The following NEBL variants were observed in gnomAD, a reference collection of about 807,000 sequenced individuals.
NEBL encodes the protein nebulette, also known as LIM and SH3 protein 2.
In NEBL, 122 loss-of-function variants were observed where a neutral mutation model predicts 140.2. The ratio of observed to expected loss-of-function variants is 0.87; its 90% CI spans 0.75 to 1.01. The LOEUF is 1.01. Among genes scored for constraint, NEBL ranks in the 50% least tolerant of loss-of-function variants. The probability of loss-of-function intolerance (pLI) is 0.00; values close to 1 mark genes in which losing one functional copy is unlikely to be tolerated. For missense variants in NEBL, 1,365 were observed against 1,231.3 expected (o/e 1.11, Z -1.62); for synonymous variants, 436 against 398.9 (o/e 1.09, Z -1.11).
chr10:21,234,713 G>A (rs989063634), intron 3 of NEBL, among the ~76,000 whole-genome samples: 2 of 152,086 alleles, frequency 1.3e-5, no homozygotes, highest in Non-Finnish European at 2.9e-5. Context: ...CAGAAATCTG[G>A]CTTCCTAAAC....
chr10:21,286,048 C>A (rs762049708), intron 1 of NEBL, among the ~76,000 whole-genome samples: 15 of 152,346 alleles, frequency 9.8e-5, no homozygotes, highest in South Asian at 2.1e-4. Context: ...GGTTCTCCCC[C>A]TCTCTTTAGA....
intron 14 of NEBL, among the ~76,000 whole-genome samples, chr10:20,833,698 G>A: frequency 6.6e-6 from 1 of 151,586 alleles, no homozygotes. Flanking sequence ...AGAGCTTGCA[G>A]TGAGCCGAGA....
chr10:21,239,439 C>G (rs1169340823), intron 3 of NEBL, among the ~76,000 whole-genome samples: 2 of 152,126 alleles, frequency 1.3e-5, no homozygotes, highest in African/African-American at 4.8e-5. Flanking sequence ...TGCTGTCCCA[C>G]TCTGCACCCC....
At chr10:21,107,314 T>C (rs1040598042) in intron 2 of NEBL, among the ~76,000 whole-genome samples, 2 of 152,208 alleles carry the variant, frequency 1.3e-5, no homozygotes, top group South Asian at 2.1e-4. Flanking sequence ...TTGTCATAAA[T>C]AGCTCTCATT....
At chr10:20,982,267 G>T (rs573797415) in intron 3 of NEBL, among the ~76,000 whole-genome samples, 1 of 152,188 alleles carries the variant, frequency 6.6e-6, no homozygotes, top group Non-Finnish European at 1.5e-5. Context: ...ATCCTCAGAT[G>T]GGACTCCCCC....
At chr10:20,905,151 C>A (rs1243062987) in intron 4 of NEBL, among the ~76,000 whole-genome samples, 1 of 152,094 alleles carries the variant, frequency 6.6e-6, no homozygotes, top group Non-Finnish European at 1.5e-5. Flanking sequence ...AGAACTATAA[C>A]TTACACAAAC....
chr10:21,119,489 A>G (rs1838428006), intron 2 of NEBL, among the ~76,000 whole-genome samples: 1 of 149,046 alleles, frequency 6.7e-6, no homozygotes, highest in Non-Finnish European at 1.5e-5. Flanking sequence ...ATATTAATAT[A>G]CTGAATATAA....
chr10:21,152,975 A>T (rs1368491297), intron 2 of NEBL, among the ~76,000 whole-genome samples: 1 of 152,016 alleles, frequency 6.6e-6, no homozygotes, highest in Non-Finnish European at 1.5e-5. Context: ...CTTGGTCTCA[A>T]CCTCCCTTTT....
chr10:20,792,130 A>G (rs867282906), intron 26 of NEBL, among the ~76,000 whole-genome samples: 6 of 151,812 alleles, frequency 4.0e-5, no homozygotes, highest in South Asian at 2.1e-4. Flanking sequence ...ATAGAAAAAA[A>G]AAAAAAAGAA....
At chr10:20,989,072 A>C (rs914751478) in intron 3 of NEBL, among the ~76,000 whole-genome samples, 3 of 152,250 alleles carry the variant, frequency 2.0e-5, no homozygotes, top group Non-Finnish European at 4.4e-5. Flanking sequence ...TGATTACTTT[A>C]AGAATTTTTG....
chr10:20,881,008 GAT>G, intron 4 of NEBL, 104 bp from the exon 5 acceptor site: 1 of 824,792 alleles, frequency 1.2e-6, no homozygotes. Flanking sequence ...TACCACCACT[GAT>G]AGTTAATTTG....
chr10:20,836,351 T>C (rs949047354), intron 13 of NEBL, among the ~76,000 whole-genome samples: 1 of 152,070 alleles, frequency 6.6e-6, no homozygotes, highest in African/African-American at 2.4e-5. Context: ...GCCTCCCGAA[T>C]AGCTGGGACT....
At chr10:21,267,035 C>T (rs759707167) in intron 1 of NEBL, among the ~76,000 whole-genome samples, 17 of 152,006 alleles carry the variant, frequency 1.1e-4, no homozygotes, top group African/African-American at 2.4e-4. Flanking sequence ...AGTGCAACGG[C>T]GCGATCTCGG....
intron 2 of NEBL, among the ~76,000 whole-genome samples, chr10:21,021,778 A>C (rs1419536481): frequency 6.6e-6 from 1 of 152,170 alleles, no homozygotes; most frequent in Non-Finnish European, 1.5e-5. Flanking sequence ...CTGTGGTAGC[A>C]ATAGTGGGCT....
Position 20,889,917 on chromosome 10 carries a change from C to G in NEBL, c.186G>C (p.Lys62Asn), listed in dbSNP as rs949954652. Residue 62 changes from lysine (K) to asparagine (N), a missense_variant, in exon 3 of 28, where the codon AAG becomes AAC. This residue lies in a region of NEBL where 1,323 missense variants were observed against 1,154.8 expected (regional missense o/e 1.15). Coordinates refer to ENST00000377122, the MANE Select transcript of NEBL (RefSeq NM_006393.3). ...IRYKEEFKKSKDKCTFVTDSP... is the reference protein window; with the variant it reads ...IRYKEEFKKSNDKCTFVTDSP... ...TGTCAGTCACAAATGTACACTTATC[C>G]TTGGACTTTTTAAACTCTTCTTTAT... 1 of 1,610,182 alleles carries G rather than the reference C, an allele frequency of 6.2e-7. No individual in the cohort carries two copies. Among genetic ancestry groups the G allele is most frequent in the Admixed American group, 1.7e-5 (1 of 59,836 alleles).
At chr10:21,096,277 C>G (rs1003042680) in intron 2 of NEBL, among the ~76,000 whole-genome samples, 1 of 152,158 alleles carries the variant, frequency 6.6e-6, no homozygotes, top group Non-Finnish European at 1.5e-5. Flanking sequence ...TTTCCCTATT[C>G]TCATCCTCAG....
intron 3 of NEBL, among the ~76,000 whole-genome samples, chr10:21,245,656 CAAGT>C (rs1212591321): frequency 6.6e-6 from 1 of 152,164 alleles, no homozygotes; most frequent in Non-Finnish European, 1.5e-5. Flanking sequence ...CTCAGCCTCC[CAAGT>C]AGCTGGAATT....
intron 2 of NEBL, among the ~76,000 whole-genome samples, chr10:21,103,202 C>T (rs905069626): frequency 3.3e-5 from 5 of 150,038 alleles, no homozygotes; most frequent in African/African-American, 1.2e-4. Flanking sequence ...TTACTCCAAA[C>T]ATTTTTCAAC....
intron 3 of NEBL, among the ~76,000 whole-genome samples, chr10:21,004,244 C>T (rs1431861159): frequency 6.6e-6 from 1 of 151,858 alleles, no homozygotes; most frequent in African/African-American, 2.4e-5. Context: ...ATGAACACTT[C>T]TCTAAAATGC....
Sources: allele counts gnomAD v4.1 joint callset (sites outside exome capture counted in the v4.1 genomes callset), GRCh38; gene constraint gnomAD v4.1.1; regional missense constraint gnomAD v4.1.1; transcripts MANE v1.5; gene names NCBI Gene and HGNC (gene_info 2026-07-23, HGNC 2026-07-21).